The following SGCD variants were observed in gnomAD, a reference collection of about 807,000 sequenced individuals.
The protein encoded by SGCD is delta-sarcoglycan.
SGCD carries 18 observed loss-of-function variants against 36.6 expected under a neutral mutation model. That is an observed-to-expected ratio of 0.49 (90% CI 0.34 to 0.73). The LOEUF (loss-of-function observed/expected upper bound fraction) is 0.73, where lower values mean the gene tolerates loss of function less well. Among genes scored for constraint, SGCD ranks in the 30% least tolerant of loss-of-function variants. The probability of loss-of-function intolerance (pLI) is 0.01; values close to 1 mark genes in which losing one functional copy is unlikely to be tolerated. For missense variants in SGCD, 387 were observed against 346.7 expected (o/e 1.12, Z -0.92); for synonymous variants, 133 against 130.6 (o/e 1.02, Z -0.12).
chr5:155,876,052 AT>A (rs548770799), intron 1 of SGCD, among the ~76,000 whole-genome samples: 1,903 of 138,554 alleles, frequency 0.014, 46 homozygotes, highest in African/African-American at 0.052. Context: ...TTTTTTATTT[AT>A]TTTTTTTTAT....
chr5:156,158,652 G>A lies in SGCD; in HGVS notation c.-44+34633G>A, dbSNP rs1040809974. ...TGCAGTCTTTACGGACAAGCCTTCC[G>A]GGGTACTCAGCATGATAGAGAAGGC... On this transcript the variant is annotated intron_variant, in intron 3 of 9. Coordinates refer to the SGCD transcript ENST00000517913. Among the ~76,000 whole-genome samples, 28 of 151,658 alleles carry A rather than the reference G, an allele frequency of 1.8e-4. No homozygotes were observed. In the Middle Eastern group the frequency reaches 0.01, roughly 56 times the overall value.
intron 7 of SGCD, among the ~76,000 whole-genome samples, chr5:156,726,460 C>G (rs894841181): frequency 1.6e-4 from 24 of 152,212 alleles, no homozygotes; most frequent in Admixed American, 1.2e-3. Context: ...TATCCTGAAG[C>G]CAGATGGTCT....
At chr5:156,279,960 G>A (rs1766408296) in intron 3 of SGCD, among the ~76,000 whole-genome samples, 1 of 151,570 alleles carries the variant, frequency 6.6e-6, no homozygotes. Context: ...ACATACTAAT[G>A]AATACTGTTG....
the SGCD span, among the ~76,000 whole-genome samples, chr5:155,761,708 C>A: frequency 7.3e-5 from 11 of 150,336 alleles, no homozygotes; most frequent in Non-Finnish European, 1.6e-4. Flanking sequence ...CCCTCTCCAT[C>A]ATCTCTCCAT....
chr5:156,082,879 G>C (rs1252156718), intron 1 of SGCD, among the ~76,000 whole-genome samples: 1 of 152,112 alleles, frequency 6.6e-6, no homozygotes, highest in East Asian at 1.9e-4. Context: ...AATTCTGCCA[G>C]TATGTATATG....
intron 4 of SGCD, among the ~76,000 whole-genome samples, chr5:156,535,075 C>CT (rs1274817329): frequency 6.6e-6 from 1 of 152,194 alleles, no homozygotes; most frequent in Non-Finnish European, 1.5e-5. Flanking sequence ...ATAAAAATCT[C>CT]TTTTTTCCAG....
At chr5:156,708,899 G>T (rs749932259) in intron 7 of SGCD, among the ~76,000 whole-genome samples, 2 of 152,068 alleles carry the variant, frequency 1.3e-5, no homozygotes, top group Non-Finnish European at 2.9e-5. Context: ...AGCCTCTAGG[G>T]CAGTGAATTC....
chr5:156,322,384 A>G (rs979206835), upstream of SGCD, among the ~76,000 whole-genome samples: 2 of 152,176 alleles, frequency 1.3e-5, no homozygotes, highest in African/African-American at 4.8e-5. Flanking sequence ...TCTATTGTGT[A>G]CTTCCTACAA....
intron 4 of SGCD, among the ~76,000 whole-genome samples, chr5:156,577,981 C>G (rs1038164697): frequency 6.6e-6 from 1 of 152,126 alleles, no homozygotes; most frequent in Non-Finnish European, 1.5e-5. Context: ...AGAGGGCATC[C>G]CTGTTTTGTG....
At chr5:155,779,847 T>C in the SGCD span, among the ~76,000 whole-genome samples, 1 of 152,192 alleles carries the variant, frequency 6.6e-6, no homozygotes, top group Non-Finnish European at 1.5e-5. Flanking sequence ...TTGTAGTGGG[T>C]ATGAAGGGAT....
intron 3 of SGCD, among the ~76,000 whole-genome samples, chr5:156,193,298 C>T (rs192148642): frequency 1.3e-3 from 199 of 152,256 alleles, no homozygotes; most frequent in South Asian, 5.4e-3. Flanking sequence ...CATACAGGAA[C>T]GCGTGCTTTT....
At chr5:156,182,318 A>G (rs1763628587) in intron 3 of SGCD, among the ~76,000 whole-genome samples, 1 of 152,168 alleles carries the variant, frequency 6.6e-6, no homozygotes, top group East Asian at 1.9e-4. Context: ...TGGGCTGGGC[A>G]TGGTGACTCA....
chr5:156,097,563 C>T (rs1018579329), intron 1 of SGCD, among the ~76,000 whole-genome samples: 1 of 151,916 alleles, frequency 6.6e-6, no homozygotes, highest in East Asian at 1.9e-4. Flanking sequence ...TCTATAATTT[C>T]CATTTGATTC....
At chr5:156,106,043 G>A (rs1761638173) in intron 1 of SGCD, among the ~76,000 whole-genome samples, 1 of 148,222 alleles carries the variant, frequency 6.7e-6, no homozygotes, top group South Asian at 2.2e-4. Context: ...CTGGGAGGTG[G>A]AGGTTGCAGT....
chr5:156,583,541 C>G (rs1024346360), intron 4 of SGCD, among the ~76,000 whole-genome samples: 1 of 152,204 alleles, frequency 6.6e-6, no homozygotes, highest in Non-Finnish European at 1.5e-5. Flanking sequence ...ATGTACTCCT[C>G]TTTCTAGCAG....
At chr5:156,598,930 T>G (rs1761051139) in intron 6 of SGCD, among the ~76,000 whole-genome samples, 1 of 152,252 alleles carries the variant, frequency 6.6e-6, no homozygotes, top group Non-Finnish European at 1.5e-5. Flanking sequence ...ATATTTCATT[T>G]AGAGCATAAT....
At chr5:155,861,488 G>T in the SGCD span, among the ~76,000 whole-genome samples, 10 of 152,038 alleles carry the variant, frequency 6.6e-5, no homozygotes, top group Non-Finnish European at 1.5e-4. Context: ...GGATCACAAG[G>T]TCACGGTACT....
chr5:155,819,631 G>A, the SGCD span, among the ~76,000 whole-genome samples: 1 of 152,062 alleles, frequency 6.6e-6, no homozygotes, highest in Admixed American at 6.6e-5. Context: ...CTTCCTTAAG[G>A]GCACACAACT....
the SGCD span, among the ~76,000 whole-genome samples, chr5:155,838,052 C>A: frequency 6.6e-6 from 1 of 152,158 alleles, no homozygotes; most frequent in Non-Finnish European, 1.5e-5. Context: ...CAACTCCTAC[C>A]GATGCTCCCT....
Sources: allele counts gnomAD v4.1 joint callset (sites outside exome capture counted in the v4.1 genomes callset), GRCh38; gene constraint gnomAD v4.1.1; transcripts MANE v1.5; gene names NCBI Gene and HGNC (gene_info 2026-07-23, HGNC 2026-07-21).